FGF4: variants seen among roughly 807,000 people sequenced by gnomAD.
FGF4 encodes fibroblast growth factor 4, also known as heparin secretory transforming protein 1.
Under a neutral mutation model 15.7 loss-of-function variants are expected in FGF4, and 9 were observed. The observed-to-expected ratio is 0.57, with a 90% confidence interval of 0.35 to 1.00. The LOEUF (loss-of-function observed/expected upper bound fraction) is 1.00, where lower values mean the gene tolerates loss of function less well. FGF4 is among the 50% of genes least tolerant of loss of function. The probability of loss-of-function intolerance (pLI) is 0.02; values close to 1 mark genes in which losing one functional copy is unlikely to be tolerated. For synonymous variants in FGF4, 164 were observed against 144.8 expected (o/e 1.13, Z -0.95); for missense variants, 286 against 297.3 (o/e 0.96, Z 0.28).
At chr11:69,773,981 C>T in intron 2 of FGF4, 43 bp downstream of exon 2, 1 of 1,505,392 alleles carries the variant, frequency 6.6e-7, no homozygotes, top group Non-Finnish European at 9.2e-7. Flanking sequence ...GCCATGTCCG[C>T]TGTTCCCAAC....
In FGF4 at chr11:69,772,606, C is replaced by A. The variant is rs188716161; in HGVS notation, c.*703G>T. 6.6e-6 allele frequency: 1 copy of A among 152,354 alleles called. No homozygotes were observed. The highest frequency in any genetic ancestry group is 1.9e-4 in the East Asian group (1 of 5,190). 9.4% of individuals were successfully genotyped at this position (152,354 alleles called of 1,614,324 possible). A position where few individuals can be genotyped will look rare whatever the true frequency, so the allele number is the denominator to read the frequency against. On this transcript the variant is annotated 3_prime_UTR_variant, in exon 3 of 3. Coordinates refer to ENST00000168712, the MANE Select transcript of FGF4 (RefSeq NM_002007.4). ...CATGGAATTTATGAAAGAGCTTCGT[C>A]TTTTCCCCAATAGTCACAGCGATGG...
intron 1 of FGF4, 101 bp from the exon 2 acceptor site, chr11:69,774,228 G>A (rs1049257407): frequency 1.2e-5 from 12 of 963,920 alleles, no homozygotes; most frequent in South Asian, 3.1e-5. Context: ...GGTGGGGTTG[G>A]GGATAAAGGG....
In FGF4 at chr11:69,775,242, G is replaced by T. The variant is rs1855628524; in HGVS notation, c.-158C>A. ...GAGGCAAGCGACGGGGCCCCCGGGC[G>T]CCGGGCTCTACCCCGGCTGCATGGA... On this transcript the variant is annotated 5_prime_UTR_variant, in exon 1 of 3. Coordinates refer to ENST00000168712, the MANE Select transcript of FGF4 (RefSeq NM_002007.4). 1 of 450,260 alleles carries T rather than the reference G, an allele frequency of 2.2e-6. No homozygotes were observed. The allele number at this position is 450,260 out of a possible 1,614,324, so 27.9% of individuals were successfully genotyped here.
intron 2 of FGF4, 60 bp downstream of exon 2, chr11:69,773,964 C>G: frequency 7.1e-7 from 1 of 1,402,802 alleles, no homozygotes; most frequent in African/African-American, 1.4e-5. Flanking sequence ...AAGCCACGAG[C>G]CTGCTAGCCA....
rs1309438389 is a variant in FGF4, at chr11:69,775,009, G to T, written c.76C>A (p.Arg26=). The T allele has an allele frequency of 6.9e-7, 1 of 1,444,094 alleles. No homozygotes were observed. Among genetic ancestry groups the T allele is most frequent in the Non-Finnish European group, 9.0e-7 (1 of 1,105,234 alleles). 89.5% of individuals were successfully genotyped at this position (1,444,094 alleles called of 1,614,324 possible). A position where few individuals can be genotyped will look rare whatever the true frequency, so the allele number is the denominator to read the frequency against. ...LLALLAPWAG[R]GGAAAPTAPN... ...GCAGTGGGTGCGGCGGCGCCCCCTCGGCCCGCCCAGGGCGCCAGCAAGGCC... is the reference window on the plus strand; with the variant it reads ...GCAGTGGGTGCGGCGGCGCCCCCTCTGCCCGCCCAGGGCGCCAGCAAGGCC... The change falls in exon 1 of 3, where the codon CGA becomes AGA. Residue 26 remains arginine (R), a synonymous_variant. Transcript: ENST00000168712.
At position 69,774,096 on chromosome 11, in the gene FGF4, G is replaced by A. The variant is rs771657682; in HGVS notation, c.372C>T (p.Gly124=). ...TGGCCACGCCGAAGATGCTCACCAC[G>A]CCCCGCTCCACGGGCGAGAGCTCCA... is the stretch of plus-strand genomic sequence containing the variant. ...SLLELSPVER[G]VVSIFGVASR... Residue 124 remains glycine (G), a synonymous_variant, in exon 2 of 3, where the codon GGC becomes GGT. Transcript: ENST00000168712. The A allele has an allele frequency of 6.2e-7, 1 of 1,612,766 alleles. No homozygotes were observed. The highest frequency in any genetic ancestry group is 1.7e-5 in the Admixed American group (1 of 60,024).
At chr11:69,773,963 G>T in intron 2 of FGF4, 61 bp downstream of exon 2, 3 of 1,395,936 alleles carry the variant, frequency 2.1e-6, no homozygotes, top group Non-Finnish European at 3.0e-6. Context: ...GAAGCCACGA[G>T]CCTGCTAGCC....
In FGF4 at chr11:69,771,797, T is replaced by G. The variant is rs1855571778; in HGVS notation, c.*1512A>C. 6.6e-6 allele frequency: 1 copy of G among 152,212 alleles called. No individual in the cohort carries two copies. The highest frequency in any genetic ancestry group is 2.4e-5 in the African/African-American group (1 of 41,442). 9.4% of individuals were successfully genotyped at this position (152,212 alleles called of 1,614,324 possible). On this transcript the variant is annotated 3_prime_UTR_variant, in exon 3 of 3. Coordinates refer to ENST00000168712, the MANE Select transcript of FGF4 (RefSeq NM_002007.4). ...TAATTCGGGAGACAGTTCAGAAACA[T>G]CCTAGGAGAGTATTAAAGTCTTGAC...
Position 69,773,211 on chromosome 11 carries a change from T to C in FGF4, c.*98A>G, listed in dbSNP as rs1855593630. ...AATTTAAATATCTTACACCTACTCTTGCATTAAACTCTTCATCCGAAGAAA... is the reference window on the plus strand; with the variant it reads ...AATTTAAATATCTTACACCTACTCTCGCATTAAACTCTTCATCCGAAGAAA... On this transcript the variant is annotated 3_prime_UTR_variant, in exon 3 of 3. Transcript: ENST00000168712. The C allele has an allele frequency of 1.1e-6, 1 of 872,414 alleles. No individual in the cohort carries two copies. Among genetic ancestry groups the C allele is most frequent in the Non-Finnish European group, 1.8e-6 (1 of 550,976 alleles). 54.0% of individuals were successfully genotyped at this position (872,414 alleles called of 1,614,324 possible).
chr11:69,774,662 G>T (rs1855616839), intron 1 of FGF4, 83 bp downstream of exon 1: 1 of 1,115,028 alleles, frequency 9.0e-7, no homozygotes, highest in South Asian at 2.2e-5. Context: ...GCCCGCCGAG[G>T]GTCTCAGAGT....
chr11:69,773,247 G>A lies in FGF4; in HGVS notation c.*62C>T. 7.0e-7 allele frequency: 1 copy of A among 1,432,236 alleles called. No individual in the cohort carries two copies. Among genetic ancestry groups the A allele is most frequent in the Non-Finnish European group, 9.8e-7 (1 of 1,022,974 alleles). 88.7% of individuals were successfully genotyped at this position (1,432,236 alleles called of 1,614,324 possible). A position where few individuals can be genotyped will look rare whatever the true frequency, so the allele number is the denominator to read the frequency against. Reference sequence around the variant, plus strand: ...CTTCATCCGAAGAAAGTGCACCAAGGTGACCCTCGGCACTGCCCTCCCAGG... The same window carrying A: ...CTTCATCCGAAGAAAGTGCACCAAGATGACCCTCGGCACTGCCCTCCCAGG... On this transcript the variant is annotated 3_prime_UTR_variant, in exon 3 of 3. Transcript: ENST00000168712.
At chr11:69,773,901 T>C in intron 2 of FGF4, 123 bp downstream of exon 2, 1 of 737,532 alleles carries the variant, frequency 1.4e-6, no homozygotes, top group South Asian at 1.9e-5. Context: ...GCCGGTCCCG[T>C]GACCTGGTGA....
chr11:69,773,265 C>T lies in FGF4; in HGVS notation c.*44G>A. 1 of 1,593,260 alleles carries T rather than the reference C, an allele frequency of 6.3e-7. No individual in the cohort carries two copies. Among genetic ancestry groups the T allele is most frequent in the South Asian group, 1.1e-5 (1 of 90,402 alleles). On this transcript the variant is annotated 3_prime_UTR_variant, in exon 3 of 3. Coordinates refer to ENST00000168712, the MANE Select transcript of FGF4 (RefSeq NM_002007.4). Reference sequence around the variant, plus strand: ...CACCAAGGTGACCCTCGGCACTGCCCTCCCAGGGGCTTCCCGAGGCTGAGG... The same window carrying T: ...CACCAAGGTGACCCTCGGCACTGCCTTCCCAGGGGCTTCCCGAGGCTGAGG...
At position 69,773,490 on chromosome 11, in the gene FGF4, A is replaced by G; in HGVS notation, c.445-5T>C. 1 of 1,614,138 alleles carries G rather than the reference A, an allele frequency of 6.2e-7. No homozygotes were observed. Among genetic ancestry groups the G allele is most frequent in the South Asian group, 1.1e-5 (1 of 91,074 alleles). On this transcript the variant is annotated splice_polypyrimidine_tract_variant and splice_region_variant and intron_variant, in intron 2 of 2. Transcript: ENST00000168712. ...GCACTCATCGGTGAAGAAGGGCTGC[A>G]GCAAAGCAGGGCAGTGTCAGGGCTG...
At position 69,774,974 on chromosome 11, in the gene FGF4, G is replaced by A; in HGVS notation, c.111C>T (p.Gly37=). 1 of 1,474,722 alleles carries A rather than the reference G, an allele frequency of 6.8e-7. No homozygotes were observed. 91.4% of individuals were successfully genotyped at this position (1,474,722 alleles called of 1,614,324 possible). A position where few individuals can be genotyped will look rare whatever the true frequency, so the allele number is the denominator to read the frequency against. ...GGAAAPTAPN[G]TLEAELERRW... Reference sequence around the variant, plus strand: ...GGCGCTCCAGCTCGGCCTCCAGCGTGCCGTTGGGTGCAGTGGGTGCGGCGG... The same window carrying A: ...GGCGCTCCAGCTCGGCCTCCAGCGTACCGTTGGGTGCAGTGGGTGCGGCGG... The change falls in exon 1 of 3, where the codon GGC becomes GGT. Residue 37 remains glycine, a synonymous_variant. Transcript: ENST00000168712.
chr11:69,774,201 G>C, intron 1 of FGF4, 74 bp from the exon 2 acceptor site: 1 of 1,252,602 alleles, frequency 8.0e-7, no homozygotes, highest in Non-Finnish European at 1.1e-6. Flanking sequence ...GTTCGCCTCC[G>C]GGGACCCTAT....
rs911898101 is a variant in FGF4 at position 69,772,033 on chromosome 11, C to T, written c.*1276G>A. On this transcript the variant is annotated 3_prime_UTR_variant, in exon 3 of 3. Coordinates refer to ENST00000168712, the MANE Select transcript of FGF4 (RefSeq NM_002007.4). ...GGTTACTTGGTGACCATATAGTGTA[C>T]TGTAACAGCTGTCTGCAAATATTTT... is the stretch of plus-strand genomic sequence containing the variant. The T allele has an allele frequency of 6.6e-6, 1 of 152,132 alleles. No individual in the cohort carries two copies. Among genetic ancestry groups the T allele is most frequent in the Non-Finnish European group, 1.5e-5 (1 of 68,042 alleles). The allele number at this position is 152,132 out of a possible 1,614,324, so 9.4% of individuals were successfully genotyped here.
rs1364602626 is a variant in FGF4, at chr11:69,774,908, C to T, written c.177G>A (p.Pro59=). ...CCGCCTCCTTGGGCTGCGCTGCCAC[C>T]GGCAGGCGCGCCAACGAGAGCGCCA... ...SLVALSLARL[P]VAAQPKEAAV... is the part of the protein sequence containing the mutation. The change falls in exon 1 of 3, where the codon CCG becomes CCA. Residue 59 remains proline, a synonymous_variant. Coordinates refer to ENST00000168712, the MANE Select transcript of FGF4 (RefSeq NM_002007.4). 6.8e-7 allele frequency: 1 copy of T among 1,481,284 alleles called. No homozygotes were observed. Among genetic ancestry groups the T allele is most frequent in the Non-Finnish European group, 8.9e-7 (1 of 1,123,776 alleles). The allele number at this position is 1,481,284 out of a possible 1,614,324, so 91.8% of individuals were successfully genotyped here.
intron 1 of FGF4, 80 bp downstream of exon 1, chr11:69,774,665 C>A (rs1174924500): frequency 8.6e-7 from 1 of 1,169,432 alleles, no homozygotes; most frequent in South Asian, 2.0e-5. Flanking sequence ...CGCCGAGGGT[C>A]TCAGAGTGTG....
Sources: allele counts gnomAD v4.1 joint callset, GRCh38; gene constraint gnomAD v4.1.1; transcripts MANE v1.5; gene names NCBI Gene and HGNC (gene_info 2026-07-23, HGNC 2026-07-21).